KCTD8: variants seen among roughly 807,000 people sequenced by gnomAD.
KCTD8 encodes the protein potassium channel tetramerization domain containing 8, also known as BTB/POZ domain-containing protein KCTD8.
KCTD8 carries 27 observed loss-of-function variants against 31.5 expected under a neutral mutation model. The observed-to-expected ratio is 0.86, with a 90% CI of 0.63 to 1.18. The LOEUF (loss-of-function observed/expected upper bound fraction) is 1.18. Among genes scored for constraint, KCTD8 ranks in the 50% most tolerant of loss-of-function variants. The pLI, the probability that KCTD8 is intolerant of heterozygous loss-of-function variation, is 0.00. For missense variants in KCTD8, 658 were observed against 647.7 expected, an observed-to-expected ratio of 1.02 and a Z score of -0.17; for synonymous variants, 290 against 280.0, an observed-to-expected ratio of 1.04 and a Z score of -0.36.
intron 1 of KCTD8, among the ~76,000 whole-genome samples, chr4:44,436,313 G>C (rs2109481055): frequency 6.6e-6 from 1 of 152,104 alleles, no homozygotes; most frequent in Non-Finnish European, 1.5e-5. Flanking sequence ...TTCAGAACAG[G>C]GGACATTAAT....
At chr4:44,255,185 C>T (rs1351693713) in intron 1 of KCTD8, among the ~76,000 whole-genome samples, 2 of 151,790 alleles carry the variant, frequency 1.3e-5, no homozygotes, top group African/African-American at 2.4e-5. Flanking sequence ...GCTTTCTTGG[C>T]TAATGGAGAA....
chr4:44,226,858 A>G (rs1714977009), intron 1 of KCTD8, among the ~76,000 whole-genome samples: 1 of 150,650 alleles, frequency 6.6e-6, no homozygotes. Context: ...GTGTCTGTTC[A>G]TATCCTTTGC....
At chr4:44,383,950 A>C (rs1168303304) in intron 1 of KCTD8, among the ~76,000 whole-genome samples, 1 of 152,004 alleles carries the variant, frequency 6.6e-6, no homozygotes, top group East Asian at 1.9e-4. Flanking sequence ...TAAAATATAC[A>C]CAGAATTCAA....
intron 1 of KCTD8, among the ~76,000 whole-genome samples, chr4:44,220,873 A>G (rs1714789351): frequency 6.6e-6 from 1 of 152,208 alleles, no homozygotes; most frequent in African/African-American, 2.4e-5. Context: ...TATTTTTACC[A>G]TAATTCTCAG....
At position 44,264,859 on chromosome 4, in the gene KCTD8, G is replaced by T. The variant is rs556459498; in HGVS notation, c.962-89609C>A. ...GGGGAGGGGTGCATGCCATTGCCCA[G>T]GCTTGCTTAGGTAAACAAAGCAGCT... On this transcript the variant is annotated intron_variant, in intron 1 of 1. Coordinates refer to ENST00000360029, the MANE Select transcript of KCTD8 (RefSeq NM_198353.3). Among the ~76,000 whole-genome samples, 5 of 152,324 alleles carry T rather than the reference G, an allele frequency of 3.3e-5. No individual in the cohort carries two copies. In the East Asian group the frequency reaches 9.7e-4, roughly 30 times the overall value.
intron 1 of KCTD8, among the ~76,000 whole-genome samples, chr4:44,336,710 T>C (rs531688077): frequency 1.4e-4 from 21 of 152,146 alleles, no homozygotes; most frequent in African/African-American, 5.1e-4. Context: ...TCTGTACCAG[T>C]AACAGTTAGA....
rs370263014 is a variant in KCTD8 at position 44,411,455 on chromosome 4, T to C, written c.961+36108A>G. ...GAGTTATATTCATATAATCATTATT[T>C]GTGATCTCCTTTGAGATAAAGTTGA... On this transcript the variant is annotated intron_variant, in intron 1 of 1. Transcript: ENST00000360029. 3.9e-5 allele frequency among the ~76,000 whole-genome samples: 6 copies of C among 152,146 alleles called. No homozygotes were observed. In the East Asian group the frequency reaches 1.2e-3, roughly 29 times the overall value.
intron 1 of KCTD8, among the ~76,000 whole-genome samples, chr4:44,305,383 T>A (rs1006735166): frequency 2.6e-5 from 4 of 151,434 alleles, no homozygotes; most frequent in African/African-American, 9.7e-5. Flanking sequence ...ATATTGAAAA[T>A]AAAAGGATAT....
Position 44,267,987 on chromosome 4 carries a change from C to T in KCTD8, c.962-92737G>A, listed in dbSNP as rs189990499. On this transcript the variant is annotated intron_variant, in intron 1 of 1. Coordinates refer to ENST00000360029, the MANE Select transcript of KCTD8 (RefSeq NM_198353.3). ...GTACAAGGAGGAACTGGTACCATTC[C>T]TTCTGAAACTATTCCAATCAATAGA... Among the ~76,000 whole-genome samples, 129 of 152,262 alleles carry T rather than the reference C, an allele frequency of 8.5e-4. 1 individual carries two copies. Among genetic ancestry groups the T allele is most frequent in the African/African-American group, 3.1e-3 (129 of 41,542 alleles).
intron 1 of KCTD8, among the ~76,000 whole-genome samples, chr4:44,321,792 C>T (rs962871412): frequency 6.6e-6 from 1 of 152,120 alleles, no homozygotes; most frequent in East Asian, 1.9e-4. Flanking sequence ...AACTACCTTT[C>T]TAGTCTCTAC....
chr4:44,444,800 T>G (rs1402605854), intron 1 of KCTD8, among the ~76,000 whole-genome samples: 25 of 143,392 alleles, frequency 1.7e-4, no homozygotes, highest in East Asian at 6.8e-4. Flanking sequence ...TGACGGGGGT[T>G]GGGGGGGAAT....
At chr4:44,187,990 C>CACACACACAT (rs1553891508) in intron 1 of KCTD8, among the ~76,000 whole-genome samples, 1 of 142,142 alleles carries the variant, frequency 7.0e-6, no homozygotes, top group African/African-American at 2.6e-5. Flanking sequence ...CACACACACA[C>CACACACACAT]ATATATATAT....
chr4:44,247,939 T>C (rs149904084), intron 1 of KCTD8, among the ~76,000 whole-genome samples: 186 of 152,058 alleles, frequency 1.2e-3, no homozygotes, highest in African/African-American at 4.2e-3. Context: ...AAATTAAAAA[T>C]AGAACTACTA....
intron 1 of KCTD8, among the ~76,000 whole-genome samples, chr4:44,248,734 A>G (rs13126379): frequency 0.26 from 38,881 of 151,666 alleles, 5,064 homozygotes; most frequent in South Asian, 0.32. Context: ...GCCTCCAAAC[A>G]GTGCCCCTCA....
Position 44,388,496 on chromosome 4 carries a change from CATATATACTATGGA to C in KCTD8, c.961+59053_961+59066del, listed in dbSNP as rs148622835. On this transcript the variant is annotated intron_variant, in intron 1 of 1. Coordinates refer to ENST00000360029, the MANE Select transcript of KCTD8 (RefSeq NM_198353.3). ...TAGACTGGATAAAGAAAATGTGGTACATATATACTATGGAATATTATGCAGCTATAAAAAGCAAT... is the reference window on the plus strand; with the variant it reads ...TAGACTGGATAAAGAAAATGTGGTACATATTATGCAGCTATAAAAAGCAAT... 2.2e-3 allele frequency among the ~76,000 whole-genome samples: 331 copies of C among 152,042 alleles called. 1 individual carries two copies. Among genetic ancestry groups the C allele is most frequent in the African/African-American group, 7.7e-3 (318 of 41,530 alleles).
chr4:44,443,962 C>A (rs900171079), intron 1 of KCTD8, among the ~76,000 whole-genome samples: 7 of 152,030 alleles, frequency 4.6e-5, no homozygotes, highest in Non-Finnish European at 8.8e-5. Flanking sequence ...CACTGTTTTT[C>A]CCCCAAGAAA....
intron 1 of KCTD8, among the ~76,000 whole-genome samples, chr4:44,395,517 C>T (rs151194202): frequency 1.8e-4 from 27 of 152,126 alleles, no homozygotes; most frequent in African/African-American, 5.5e-4. Flanking sequence ...CACCCATATT[C>T]GGCATAAAAA....
intron 1 of KCTD8, among the ~76,000 whole-genome samples, chr4:44,333,548 T>C (rs1718642567): frequency 6.6e-6 from 1 of 152,088 alleles, no homozygotes; most frequent in Admixed American, 6.6e-5. Flanking sequence ...CTAGCAGCAG[T>C]ATGTAGCTAA....
chr4:44,268,616 A>C (rs1041558915), intron 1 of KCTD8, among the ~76,000 whole-genome samples: 11 of 152,080 alleles, frequency 7.2e-5, no homozygotes, highest in Admixed American at 2.0e-4. Flanking sequence ...CCCTGTTTGC[A>C]GACGACATGA....
Sources: gnomAD v4.1 joint callset for allele counts (sites outside exome capture counted in the v4.1 genomes callset) on GRCh38, gnomAD v4.1.1 for gene constraint, MANE v1.5 for transcripts, NCBI Gene and HGNC (gene_info 2026-07-23, HGNC 2026-07-21) for gene names.